APBB1IP: variants seen among roughly 807,000 people sequenced by gnomAD.
The protein encoded by APBB1IP is amyloid beta A4 precursor protein-binding family B member 1-interacting protein.
In APBB1IP, 27 loss-of-function variants were observed where a neutral mutation model predicts 64.9. That is an observed-to-expected ratio of 0.42 (90% CI 0.31 to 0.57). The LOEUF is 0.57. APBB1IP is among the 20% of genes least tolerant of loss of function. The probability of loss-of-function intolerance (pLI) is 0.20; values close to 1 mark genes in which losing one functional copy is unlikely to be tolerated. For synonymous variants in APBB1IP, 392 were observed against 331.0 expected, an observed-to-expected ratio of 1.18 and a Z score of -2.00; for missense variants, 812 against 845.5, an observed-to-expected ratio of 0.96 and a Z score of 0.49.
intron 8 of APBB1IP, among the ~76,000 whole-genome samples, chr10:26,514,899 GTCT>G (rs932017340): frequency 8.6e-5 from 13 of 151,372 alleles, no homozygotes; most frequent in African/African-American, 2.9e-4. Context: ...GTTAGACAAA[GTCT>G]TCTTCTGTTG....
At chr10:26,543,399 G>A (rs1416620570) in intron 11 of APBB1IP, among the ~76,000 whole-genome samples, 4 of 151,196 alleles carry the variant, frequency 2.6e-5, no homozygotes, top group South Asian at 2.1e-4. Flanking sequence ...CCCGGGAGGC[G>A]GAGGTTGCAG....
In APBB1IP at chr10:26,538,501, C is replaced by T. The variant is rs1418089046; in HGVS notation, c.1044+2284C>T. ...ACTAAAAATGCAAAAATTAGCCAGG[C>T]GTGGTGGCGGGCGCCTGTAATCCCA... On this transcript the variant is annotated intron_variant, in intron 10 of 14. Coordinates refer to ENST00000376236, the MANE Select transcript of APBB1IP (RefSeq NM_019043.4). Among the ~76,000 whole-genome samples, 6 of 151,430 alleles carry T rather than the reference C, an allele frequency of 4.0e-5. No homozygotes were observed. In the South Asian group the frequency reaches 1.0e-3, roughly 26 times the overall value.
chr10:26,511,728 C>A lies in APBB1IP; in HGVS notation c.532-19C>A. 1 of 1,610,080 alleles carries A rather than the reference C, an allele frequency of 6.2e-7. No individual in the cohort carries two copies. The highest frequency in any genetic ancestry group is 8.5e-7 in the Non-Finnish European group (1 of 1,176,664). On this transcript the variant is annotated intron_variant, in intron 6 of 14. Transcript: ENST00000376236. ...CCAGTTGCTGAAATTTACTGGCTGC[C>A]CCATGGTTCTATCCTCAGCTCGTCG...
intron 2 of APBB1IP, among the ~76,000 whole-genome samples, chr10:26,449,324 TGAAA>T (rs1564347654): frequency 1.3e-5 from 2 of 152,138 alleles, no homozygotes; most frequent in Non-Finnish European, 2.9e-5. Context: ...TGTGTGTGTG[TGAAA>T]GAGAGAGAGA....
At chr10:26,565,871 C>T (rs915534657) in intron 14 of APBB1IP, among the ~76,000 whole-genome samples, 2 of 152,130 alleles carry the variant, frequency 1.3e-5, no homozygotes, top group African/African-American at 4.8e-5. Context: ...TGGGTGCCAA[C>T]AAGAGTCCAA....
In APBB1IP at chr10:26,492,363, A is replaced by G; in HGVS notation, c.37A>G (p.Ser13Gly). 1 of 1,614,098 alleles carries G rather than the reference A, an allele frequency of 6.2e-7. No homozygotes were observed. Among genetic ancestry groups the G allele is most frequent in the Non-Finnish European group, 8.5e-7 (1 of 1,179,968 alleles). ...AAGTGAAGACATAGACCAAATGTTC[A>G]GCACTTTGCTGGGAGAGATGGATCT... ...ESSEDIDQMF[S>G]TLLGEMDLLT... Residue 13 changes from serine to glycine, a missense_variant, in exon 3 of 15, where the codon AGC (serine) becomes GGC (glycine). By Grantham distance (56) the Ser-to-Gly change is moderately conservative (BLOSUM62 0). Coordinates refer to ENST00000376236, the MANE Select transcript of APBB1IP (RefSeq NM_019043.4).
intron 2 of APBB1IP, among the ~76,000 whole-genome samples, chr10:26,447,940 T>A (rs1835419845): frequency 1.3e-5 from 2 of 152,140 alleles, no homozygotes; most frequent in Non-Finnish European, 2.9e-5. Flanking sequence ...CCAACTGTGA[T>A]GTTAATTTTA....
At chr10:26,449,128 C>T (rs752302928) in intron 2 of APBB1IP, among the ~76,000 whole-genome samples, 32 of 152,150 alleles carry the variant, frequency 2.1e-4, no homozygotes, top group Non-Finnish European at 4.1e-4. Flanking sequence ...AGAATGGTTA[C>T]GGATCCCTGT....
At chr10:26,503,162 T>C (rs1836127626) in intron 5 of APBB1IP, 35 bp from the exon 6 acceptor site, 1 of 1,604,242 alleles carries the variant, frequency 6.2e-7, no homozygotes, top group Non-Finnish European at 8.5e-7. Context: ...TATTACTTAA[T>C]GGACTGTATT....
At chr10:26,519,265 TG>T (rs1836372630) in intron 8 of APBB1IP, among the ~76,000 whole-genome samples, 2 of 152,102 alleles carry the variant, frequency 1.3e-5, no homozygotes, top group South Asian at 4.1e-4. Flanking sequence ...CACTCCAGCC[TG>T]GGCAACAAGA....
chr10:26,454,479 C>G (rs547190408), intron 2 of APBB1IP, among the ~76,000 whole-genome samples: 13 of 151,746 alleles, frequency 8.6e-5, no homozygotes, highest in African/African-American at 2.4e-4. Context: ...GAGTGAGACT[C>G]TGTCTCGAAA....
At chr10:26,519,597 G>A (rs536369926) in intron 8 of APBB1IP, among the ~76,000 whole-genome samples, 1 of 152,324 alleles carries the variant, frequency 6.6e-6, no homozygotes, top group Admixed American at 6.5e-5. Flanking sequence ...ATTACAATTA[G>A]AGATGAAATT....
At chr10:26,461,623 T>A (rs1564351144) in intron 2 of APBB1IP, among the ~76,000 whole-genome samples, 1 of 152,052 alleles carries the variant, frequency 6.6e-6, no homozygotes, top group Non-Finnish European at 1.5e-5. Context: ...CATTTGGGGA[T>A]CTAATTGAAG....
chr10:26,539,225 A>G (rs1410249590), intron 10 of APBB1IP, among the ~76,000 whole-genome samples: 1 of 152,094 alleles, frequency 6.6e-6, no homozygotes, highest in Non-Finnish European at 1.5e-5. Flanking sequence ...AGCCTGAGAA[A>G]CATAGGGAGA....
intron 2 of APBB1IP, among the ~76,000 whole-genome samples, chr10:26,448,443 T>TA (rs1231381954): frequency 2.6e-5 from 4 of 152,234 alleles, no homozygotes; most frequent in Non-Finnish European, 5.9e-5. Flanking sequence ...TAGCCACAGT[T>TA]AAAGTGCTAA....
chr10:26,560,655 T>C, intron 12 of APBB1IP, 75 bp from the exon 13 acceptor site: 1 of 1,006,442 alleles, frequency 9.9e-7, no homozygotes, highest in Non-Finnish European at 1.5e-6. Context: ...TTCTTCTGTA[T>C]ATGTATATTG....
chr10:26,468,734 T>C (rs537822402), intron 2 of APBB1IP, among the ~76,000 whole-genome samples: 1 of 152,208 alleles, frequency 6.6e-6, no homozygotes, highest in East Asian at 1.9e-4. Context: ...CTTGGTGGAG[T>C]CTCTGCAAGC....
intron 2 of APBB1IP, among the ~76,000 whole-genome samples, chr10:26,475,529 A>G (rs531877187): frequency 1.3e-5 from 2 of 152,034 alleles, no homozygotes; most frequent in South Asian, 4.1e-4. Flanking sequence ...AGGCCCTGAT[A>G]TGTTGTCTAT....
rs529464425 is a variant in APBB1IP, at chr10:26,445,017, G to C, written c.-1+6164G>C. On this transcript the variant is annotated intron_variant, in intron 2 of 14. Coordinates refer to ENST00000376236, the MANE Select transcript of APBB1IP (RefSeq NM_019043.4). ...GGAGGCTGAGGCAGGAGAATCGCTT[G>C]AACCCAGGAGGTGGAGATTTCAGTG... Among the ~76,000 whole-genome samples, 29 of 151,518 alleles carry C rather than the reference G, an allele frequency of 1.9e-4. No homozygotes were observed. The East Asian group carries it at 5.7e-3, about 30-fold the overall frequency.
Sources: allele counts gnomAD v4.1 joint callset (sites outside exome capture counted in the v4.1 genomes callset), GRCh38; gene constraint gnomAD v4.1.1; transcripts MANE v1.5; gene names NCBI Gene and HGNC (gene_info 2026-07-23, HGNC 2026-07-21).